The following TXNL4A variants were observed in gnomAD, a reference collection of about 807,000 sequenced individuals.
The protein encoded by TXNL4A is thioredoxin like 4A.
A neutral mutation model predicts 14.6 loss-of-function variants in TXNL4A; 17 were observed. The ratio of observed to expected loss-of-function variants is 1.16; its 90% CI spans 0.80 to 1.74. The LOEUF is 1.74. Among genes scored for constraint, TXNL4A ranks in the 40% most tolerant of loss-of-function variants. The pLI is 0.00. For missense variants in TXNL4A, 74 were observed against 195.2 expected (o/e 0.38, Z 3.70); for synonymous variants, 83 against 70.6 (o/e 1.18, Z -0.88).
In TXNL4A at chr18:79,988,527, G is replaced by T; in HGVS notation, c.-135C>A. 3.2e-6 allele frequency: 3 copies of T among 937,282 alleles called. No individual in the cohort carries two copies. Among genetic ancestry groups the T allele is most frequent in the Non-Finnish European group, 4.2e-6 (3 of 717,572 alleles). 58.1% of individuals were successfully genotyped at this position (937,282 alleles called of 1,614,324 possible). On this transcript the variant is annotated 5_prime_UTR_variant, in exon 1 of 3. Coordinates refer to ENST00000269601, the MANE Select transcript of TXNL4A (RefSeq NM_006701.5). ...ACGAAATCCGGTCCCGCCCGCACAC[G>T]CAAACTCCGCTGGGACTGCCACCCG...
At chr18:79,995,824 C>T (rs1034038294) in intron 1 of TXNL4A, among the ~76,000 whole-genome samples, 4 of 152,152 alleles carry the variant, frequency 2.6e-5, no homozygotes, top group Non-Finnish European at 4.4e-5. Flanking sequence ...GGACAACGGC[C>T]GGGCGCGGTG....
intron 1 of TXNL4A, among the ~76,000 whole-genome samples, chr18:79,998,137 CA>C (rs1375313822): frequency 6.6e-6 from 1 of 151,850 alleles, no homozygotes; most frequent in African/African-American, 2.4e-5. Flanking sequence ...ACTAAAAATA[CA>C]AAAAAATTAG....
At chr18:79,986,549 G>A in intron 1 of TXNL4A, 1 of 980,074 alleles carries the variant, frequency 1.0e-6, no homozygotes, top group Non-Finnish European at 1.2e-6. Context: ...CAAAGAAATT[G>A]GACATAAAGG....
At chr18:79,989,666 C>T (rs532632726), upstream of TXNL4A, among the ~76,000 whole-genome samples, 256 of 152,306 alleles carry the variant, frequency 1.7e-3, 1 homozygote, top group African/African-American at 5.8e-3. Flanking sequence ...TGTCTACTAT[C>T]TAGCTATCCT....
chr18:79,988,166 C>A, intron 1 of TXNL4A, 74 bp downstream of exon 1: 2 of 1,338,152 alleles, frequency 1.5e-6, no homozygotes, highest in South Asian at 2.1e-5. Flanking sequence ...CGCCCCCAGG[C>A]GACGCCGGCA....
At chr18:79,986,483 A>C (rs1431507722) in intron 1 of TXNL4A, 1 of 815,272 alleles carries the variant, frequency 1.2e-6, no homozygotes, top group African/African-American at 1.9e-5. Context: ...AACTGTCCTT[A>C]AGTGTGTGTC....
intron 1 of TXNL4A, among the ~76,000 whole-genome samples, chr18:80,004,461 CTCCCTG>C (rs2051716773): frequency 6.6e-6 from 1 of 152,218 alleles, no homozygotes; most frequent in Non-Finnish European, 1.5e-5. Context: ...GCACCGAGTG[CTCCCTG>C]TCTGAGCCTG....
chr18:79,991,670 T>C (rs1433569662), upstream of TXNL4A, among the ~76,000 whole-genome samples: 1 of 152,252 alleles, frequency 6.6e-6, no homozygotes, highest in African/African-American at 2.4e-5. Context: ...TTTTTAAGTA[T>C]TGCTAAATTG....
intron 1 of TXNL4A, among the ~76,000 whole-genome samples, chr18:79,994,424 T>C (rs1271234535): frequency 6.6e-6 from 1 of 152,044 alleles, no homozygotes; most frequent in African/African-American, 2.4e-5. Context: ...CATTTATCTC[T>C]CTTAAAGAAA....
At chr18:79,988,678 G>T, upstream of TXNL4A, 1 of 255,808 alleles carries the variant, frequency 3.9e-6, no homozygotes. Flanking sequence ...GCCGGGTGGA[G>T]CGGCGGCGAC....
At chr18:80,008,585 T>A (rs1034433295) in intron 1 of TXNL4A, among the ~76,000 whole-genome samples, 5 of 152,124 alleles carry the variant, frequency 3.3e-5, no homozygotes, top group African/African-American at 4.8e-5. Flanking sequence ...TCCCCCTTCC[T>A]GTCTTCTCCA....
intron 1 of TXNL4A, among the ~76,000 whole-genome samples, chr18:80,028,948 A>T (rs968762862): frequency 2.0e-5 from 3 of 152,220 alleles, no homozygotes; most frequent in Non-Finnish European, 2.9e-5. Flanking sequence ...AAGGGTAACC[A>T]ATTGGCTGAT....
intron 1 of TXNL4A, among the ~76,000 whole-genome samples, chr18:80,032,245 C>G (rs1202994168): frequency 6.6e-6 from 1 of 152,044 alleles, no homozygotes; most frequent in Non-Finnish European, 1.5e-5. Context: ...ACCATCCCAG[C>G]AACAACAAAC....
intron 2 of TXNL4A, among the ~76,000 whole-genome samples, chr18:79,975,336 T>TA (rs1311945557): frequency 6.6e-6 from 1 of 152,214 alleles, no homozygotes; most frequent in Non-Finnish European, 1.5e-5. Flanking sequence ...ATAAGTTAAC[T>TA]AAAGTACCGT....
At chr18:79,994,100 T>TA (rs2051644690) in intron 1 of TXNL4A, among the ~76,000 whole-genome samples, 1 of 152,168 alleles carries the variant, frequency 6.6e-6, no homozygotes, top group Non-Finnish European at 1.5e-5. Context: ...CTGAGGAACA[T>TA]AAAGTTCCAC....
intron 1 of TXNL4A, among the ~76,000 whole-genome samples, chr18:80,006,300 C>G (rs1490169926): frequency 6.6e-6 from 1 of 152,020 alleles, no homozygotes; most frequent in Admixed American, 6.5e-5. Context: ...AGGAGAATCG[C>G]TTGAACCCAG....
rs1156569746 is a variant in TXNL4A at position 80,011,116 on chromosome 18, G to C, written c.-61+22735C>G. 1.3e-5 allele frequency among the ~76,000 whole-genome samples: 2 copies of C among 152,080 alleles called. No individual in the cohort carries two copies. Among genetic ancestry groups the C allele is most frequent in the Non-Finnish European group, 2.9e-5 (2 of 68,008 alleles). ...ACCATTTGGTGCTTGTTAGCCCCTC[G>C]GGAAAGGAAACAATTTGGGTTATAT... On this transcript the variant is annotated intron_variant, in intron 1 of 2. Transcript: ENST00000585474. The surrounding 1 kb of genome is among the most constrained non-coding windows in gnomAD (Gnocchi z 4.1).
chr18:79,975,496 G>A (rs2051365361), intron 2 of TXNL4A, among the ~76,000 whole-genome samples: 1 of 152,234 alleles, frequency 6.6e-6, no homozygotes, highest in Non-Finnish European at 1.5e-5. Flanking sequence ...GCCCCTCACA[G>A]CATCTCCAGC....
At position 80,011,755 on chromosome 18, in the gene TXNL4A, G is replaced by A. The variant is rs760646050; in HGVS notation, c.-61+22096C>T. ...CCTGAAACCCACTCCCACCTTTTCC[G>A]TCCCTATAAGTTAAAGATCTTTTTT... On this transcript the variant is annotated intron_variant, in intron 1 of 2. Transcript: ENST00000585474. The surrounding 1 kb of genome is among the most constrained non-coding windows in gnomAD (Gnocchi z 4.1). 7.9e-5 allele frequency among the ~76,000 whole-genome samples: 12 copies of A among 151,600 alleles called. No homozygotes were observed. Among genetic ancestry groups the A allele is most frequent in the Non-Finnish European group, 1.3e-4 (9 of 67,946 alleles).
Sources: allele counts gnomAD v4.1 joint callset (sites outside exome capture counted in the v4.1 genomes callset), GRCh38; gene constraint gnomAD v4.1.1; non-coding constraint Gnocchi (gnomAD v3.1); transcripts MANE v1.5; gene names NCBI Gene and HGNC (gene_info 2026-07-23, HGNC 2026-07-21).